Variants in LOXL3 observed in about 807,000 individuals in gnomAD.
The protein encoded by LOXL3 is lysyl oxidase like 3.
A neutral mutation model predicts 91.8 loss-of-function variants in LOXL3; 60 were observed. The ratio of observed to expected loss-of-function variants is 0.65; its 90% CI spans 0.53 to 0.81. The LOEUF (loss-of-function observed/expected upper bound fraction) is 0.81, where lower values mean the gene tolerates loss of function less well. LOXL3 is among the 30% of genes least tolerant of loss of function. The pLI, the probability that LOXL3 is intolerant of heterozygous loss-of-function variation, is 0.00. For synonymous variants in LOXL3, 355 were observed against 387.6 expected, an observed-to-expected ratio of 0.92 and a Z score of 0.99; for missense variants, 874 against 1,000.4, an observed-to-expected ratio of 0.87 and a Z score of 1.70.
intron 4 of LOXL3, among the ~76,000 whole-genome samples, chr2:74,546,704 A>C (rs561844009): frequency 1.3e-3 from 203 of 152,012 alleles, no homozygotes; most frequent in Admixed American, 3.1e-3. Context: ...TTACTTACTT[A>C]CTTAATTTAT....
intron 4 of LOXL3, among the ~76,000 whole-genome samples, chr2:74,540,072 C>T (rs1299760657): frequency 6.6e-6 from 1 of 152,168 alleles, no homozygotes; most frequent in Admixed American, 6.5e-5. Context: ...TGGTCTCGAA[C>T]TCCTGACCTT....
intron 4 of LOXL3, among the ~76,000 whole-genome samples, chr2:74,538,495 A>C (rs1676147364): frequency 6.6e-6 from 1 of 152,226 alleles, no homozygotes; most frequent in Admixed American, 6.5e-5. Flanking sequence ...TTTAATGTGC[A>C]AACTGCCTTT....
chr2:74,535,621 T>A lies in LOXL3; in HGVS notation c.1383A>T (p.Gln461His), dbSNP rs1675970086. 1.2e-6 allele frequency: 2 copies of A among 1,614,000 alleles called. No homozygotes were observed. The highest frequency in any genetic ancestry group is 8.5e-7 in the Non-Finnish European group (1 of 1,180,030). Residue 461 changes from glutamine (Q) to histidine (H), a missense_variant, in exon 8 of 14, where the codon CAA (glutamine) becomes CAT (histidine). Physicochemically the swap from Gln to His is conservative, Grantham distance 24. Transcript: ENST00000264094. The surrounding 1 kb of genome is among the most constrained non-coding windows in gnomAD (Gnocchi z 4.2). Reference sequence around the variant, plus strand: ...CGTGGTTGGCGTAGCCCAGACCCAGTTGCCTACAGGCCACCATGGCCTCCA... The same window carrying A: ...CGTGGTTGGCGTAGCCCAGACCCAGATGCCTACAGGCCACCATGGCCTCCA... ...GTLEAMVACR[Q>H]LGLGYANHGL...
At chr2:74,537,798 G>C (rs1246234198) in intron 4 of LOXL3, among the ~76,000 whole-genome samples, 1 of 152,166 alleles carries the variant, frequency 6.6e-6, no homozygotes, top group Non-Finnish European at 1.5e-5. Flanking sequence ...CTTCTTTATC[G>C]ATACCAGTAG....
At chr2:74,533,714 G>A in intron 13 of LOXL3, 35 bp from the exon 14 acceptor site, 1 of 1,596,444 alleles carries the variant, frequency 6.3e-7, no homozygotes, top group Non-Finnish European at 8.6e-7. Flanking sequence ...GAGGCGCCCT[G>A]CACAGAGGGA....
At chr2:74,553,683 G>A (rs1257217596) in intron 1 of LOXL3, among the ~76,000 whole-genome samples, 193 bp downstream of exon 1, 1 of 152,118 alleles carries the variant, frequency 6.6e-6, no homozygotes, top group Non-Finnish European at 1.5e-5. Context: ...GGCCCTGTTC[G>A]AACACCCGTA....
chr2:74,539,137 C>A (rs1368910704), intron 4 of LOXL3, among the ~76,000 whole-genome samples: 1 of 152,092 alleles, frequency 6.6e-6, no homozygotes, highest in Non-Finnish European at 1.5e-5. Flanking sequence ...CCTGACCACT[C>A]GGGGTTTGGG....
chr2:74,536,470 G>A lies in LOXL3; in HGVS notation c.914C>T (p.Ala305Val). 1 of 1,611,872 alleles carries A rather than the reference G, an allele frequency of 6.2e-7. No homozygotes were observed. The highest frequency in any genetic ancestry group is 2.2e-5 in the East Asian group (1 of 44,810). ...GGCGCCGCCCTTTAGACGGACACGG[G>A]CCTATAGAAGAGAGAAGTGCCCAAC... ...KQQQSKPQGE[A>V]RVRLKGGAHP... The change falls in exon 6 of 14, where the codon GCC (alanine) becomes GTC (valine). Residue 305 changes from alanine to valine, a missense_variant and splice_region_variant. Ala to Val is a moderately conservative substitution (Grantham distance 64, BLOSUM62 0). Coordinates refer to ENST00000264094, the MANE Select transcript of LOXL3 (RefSeq NM_032603.5). This position sits in a 1 kb window ranked among gnomAD's most constrained non-coding sequence, Gnocchi z 4.5.
At chr2:74,552,936 C>A (rs189612307) in intron 1 of LOXL3, 105 of 358,444 alleles carry the variant, frequency 2.9e-4, no homozygotes, top group African/African-American at 2.0e-3. Context: ...AGAGACTGAG[C>A]AAGAGACACG....
Position 74,535,372 on chromosome 2 carries a change from T to C in LOXL3, c.1499A>G (p.Asp500Gly), listed in dbSNP as rs771639460. 2.5e-6 allele frequency: 4 copies of C among 1,613,942 alleles called. No individual in the cohort carries two copies. Among genetic ancestry groups the C allele is most frequent in the Non-Finnish European group, 3.4e-6 (4 of 1,180,004 alleles). Reference protein sequence around the residue: ...VRCTGTELSLDQCAHHGTHIT... With the variant: ...VRCTGTELSLGQCAHHGTHIT... ...GTGGGTGCCATGATGGGCACACTGATCCAGGGACAGCTCAGTCCCTGTGCA... is the reference window on the plus strand; with the variant it reads ...GTGGGTGCCATGATGGGCACACTGACCCAGGGACAGCTCAGTCCCTGTGCA... The change falls in exon 9 of 14, where the codon GAT becomes GGT. Residue 500 changes from aspartate to glycine, a missense_variant. Physicochemically the swap from Asp to Gly is moderately conservative, Grantham distance 94. Coordinates refer to ENST00000264094, the MANE Select transcript of LOXL3 (RefSeq NM_032603.5). The surrounding 1 kb of genome is among the most constrained non-coding windows in gnomAD (Gnocchi z 4.2).
At chr2:74,534,044 AG>A (rs1675828322) in intron 12 of LOXL3, 51 bp from the exon 13 acceptor site, 2 of 1,611,664 alleles carry the variant, frequency 1.2e-6, no homozygotes, top group Admixed American at 3.3e-5. Flanking sequence ...TCGAATTCAA[AG>A]GTGTCTTTAA....
chr2:74,548,493 C>A (rs777332535), intron 4 of LOXL3, among the ~76,000 whole-genome samples: 4 of 152,150 alleles, frequency 2.6e-5, no homozygotes, highest in Non-Finnish European at 5.9e-5. Context: ...CAGACCCCAT[C>A]TGAAGTAGTG....
In LOXL3 at chr2:74,536,044, C is replaced by T; in HGVS notation, c.1200G>A (p.Gln400=). Residue 400 remains glutamine, a synonymous_variant, in exon 7 of 14, where the codon CAG becomes CAA. Transcript: ENST00000264094. This position sits in a 1 kb window ranked among gnomAD's most constrained non-coding sequence, Gnocchi z 4.5. ...NITAEDCSHS[Q]DAGVRCNLPY... is the part of the protein sequence containing the mutation. ...GTAGGTTGCACCGGACCCCGGCATC[C>T]TGGCTATGTGAACAATCCTCAGCTG... is the stretch of plus-strand genomic sequence containing the variant. 7 of 1,607,572 alleles carry T rather than the reference C, an allele frequency of 4.4e-6. No individual in the cohort carries two copies. The highest frequency in any genetic ancestry group is 5.9e-6 in the Non-Finnish European group (7 of 1,176,834).
At chr2:74,542,704 C>T (rs1366314545) in intron 4 of LOXL3, among the ~76,000 whole-genome samples, 8 of 151,700 alleles carry the variant, frequency 5.3e-5, no homozygotes, top group Non-Finnish European at 1.2e-4. Flanking sequence ...TGGCTCACTG[C>T]AACCTCCGCC....
chr2:74,552,745 G>A (rs375699287), intron 1 of LOXL3, 99 bp from the exon 2 acceptor site: 1 of 1,022,590 alleles, frequency 9.8e-7, no homozygotes, highest in Non-Finnish European at 1.4e-6. Context: ...AACAGACACT[G>A]AGTAAGACAG....
At chr2:74,554,356 T>G (rs1573036083), upstream of LOXL3, 10 of 187,886 alleles carry the variant, frequency 5.3e-5, no homozygotes, top group South Asian at 9.5e-5. The surrounding 1 kb of genome is among the most constrained non-coding windows in gnomAD (Gnocchi z 4.9). Context: ...CCGGCCAGGG[T>G]AAATAAAGCC....
intron 3 of LOXL3, 92 bp downstream of exon 3, chr2:74,550,093 G>A: frequency 6.7e-7 from 1 of 1,498,398 alleles, no homozygotes; most frequent in Non-Finnish European, 8.9e-7. Context: ...GATCCCCCAG[G>A]GGTAACTACC....
chr2:74,536,581 G>C lies in LOXL3; in HGVS notation c.913-110C>G. 7.0e-7 allele frequency: 1 copy of C among 1,436,234 alleles called. No individual in the cohort carries two copies. The highest frequency in any genetic ancestry group is 9.6e-7 in the Non-Finnish European group (1 of 1,046,270). 89.0% of individuals were successfully genotyped at this position (1,436,234 alleles called of 1,614,324 possible). On this transcript the variant is annotated intron_variant, in intron 5 of 13. Coordinates refer to ENST00000264094, the MANE Select transcript of LOXL3 (RefSeq NM_032603.5). The surrounding 1 kb of genome is among the most constrained non-coding windows in gnomAD (Gnocchi z 4.5). ...TGGTGGAAGGGAGTGGGTGGTATCA[G>C]GTCTGTGGCCCACCCCCTGGAAGGC...
rs765045744 is a variant in LOXL3 at position 74,550,254 on chromosome 2, G to A, written c.408C>T (p.His136=). The A allele has an allele frequency of 5.0e-6, 8 of 1,614,156 alleles. No homozygotes were observed. The highest frequency in any genetic ancestry group is 4.4e-5 in the South Asian group (4 of 91,080). ...TGCAGATGACCCCAGCATCCTCATCGTGCGTACAGTCACTGTTCCCCCAGC... is the reference window on the plus strand; with the variant it reads ...TGCAGATGACCCCAGCATCCTCATCATGCGTACAGTCACTGTTCCCCCAGC... The part of the protein sequence containing the change: ...SRGWGNSDCT[H]DEDAGVICKD... Residue 136 remains histidine (H), a synonymous_variant, in exon 3 of 14, where the codon CAC becomes CAT. Transcript: ENST00000264094.
Sources: allele counts gnomAD v4.1 joint callset (sites outside exome capture counted in the v4.1 genomes callset), GRCh38; gene constraint gnomAD v4.1.1; non-coding constraint Gnocchi (gnomAD v3.1); transcripts MANE v1.5; gene names NCBI Gene and HGNC (gene_info 2026-07-23, HGNC 2026-07-21).